Variants in RALYL observed in about 807,000 individuals in gnomAD.
The protein encoded by RALYL is RNA-binding Raly-like protein.
RALYL carries 29 observed loss-of-function variants against 35.1 expected under a neutral mutation model. The observed-to-expected ratio is 0.83, with a 90% CI of 0.61 to 1.13. The LOEUF (loss-of-function observed/expected upper bound fraction) is 1.13. Ranked by LOEUF, RALYL falls within the 50% of genes most tolerant of loss-of-function variation. The probability of loss-of-function intolerance (pLI) is 0.00; values close to 1 mark genes in which losing one functional copy is unlikely to be tolerated. For missense variants in RALYL, 359 were observed against 360.4 expected, an observed-to-expected ratio of 1.00 and a Z score of 0.03; for synonymous variants, 120 against 127.6, an observed-to-expected ratio of 0.94 and a Z score of 0.40.
intron 1 of RALYL, among the ~76,000 whole-genome samples, chr8:84,398,963 G>T (rs570788192): frequency 9.4e-6 from 1 of 106,794 alleles, no homozygotes; most frequent in African/African-American, 3.8e-5. Context: ...AATAGAGTGA[G>T]ACTCTGTCTC....
intron 7 of RALYL, 47 bp from the exon 8 acceptor site, chr8:84,887,557 T>G: frequency 6.5e-7 from 1 of 1,537,768 alleles, no homozygotes; most frequent in Non-Finnish European, 8.8e-7. Context: ...TCCAAATGGC[T>G]CATGAGCAAC....
intron 2 of RALYL, among the ~76,000 whole-genome samples, chr8:84,734,605 G>A (rs983366209): frequency 1.3e-5 from 2 of 151,976 alleles, no homozygotes; most frequent in Non-Finnish European, 2.9e-5. Context: ...TGTACTACCT[G>A]GTGATATTCT....
At chr8:84,797,465 C>T (rs938753129) in intron 3 of RALYL, among the ~76,000 whole-genome samples, 2 of 152,170 alleles carry the variant, frequency 1.3e-5, no homozygotes, top group Non-Finnish European at 2.9e-5. Flanking sequence ...CCTGGCACAT[C>T]GCAAGCTCTG....
chr8:84,705,890 C>G, intron 2 of RALYL: 1 of 1,464,590 alleles, frequency 6.8e-7, no homozygotes, highest in South Asian at 1.4e-5. Context: ...TGGTATTACC[C>G]TGGCTTTCAC....
intron 1 of RALYL, among the ~76,000 whole-genome samples, chr8:84,233,827 T>G (rs958249919): frequency 6.6e-6 from 1 of 152,224 alleles, no homozygotes; most frequent in Non-Finnish European, 1.5e-5. Flanking sequence ...ATCCTAACAT[T>G]GCTACTTAAA....
At chr8:84,696,101 G>T (rs957021301) in intron 2 of RALYL, among the ~76,000 whole-genome samples, 1 of 151,690 alleles carries the variant, frequency 6.6e-6, no homozygotes, top group Non-Finnish European at 1.5e-5. Context: ...TAAAATAAAA[G>T]CTATATGAAC....
At chr8:84,469,495 C>T (rs559580916) in intron 1 of RALYL, among the ~76,000 whole-genome samples, 1 of 152,200 alleles carries the variant, frequency 6.6e-6, no homozygotes, top group Non-Finnish European at 1.5e-5. Flanking sequence ...AGGCAGTCTG[C>T]CCGTCCTGAG....
chr8:84,606,311 T>C (rs1359778687), intron 2 of RALYL, among the ~76,000 whole-genome samples: 1 of 152,150 alleles, frequency 6.6e-6, no homozygotes, highest in Non-Finnish European at 1.5e-5. Context: ...TGAATCGTTT[T>C]CAGCAAAAAT....
chr8:84,198,673 T>C (rs1816046740), intron 1 of RALYL, among the ~76,000 whole-genome samples: 1 of 152,170 alleles, frequency 6.6e-6, no homozygotes, highest in East Asian at 1.9e-4. Flanking sequence ...CAGCCTTTAG[T>C]AATCATGCTT....
At chr8:84,549,914 T>A (rs746587303) in intron 2 of RALYL, among the ~76,000 whole-genome samples, 2 of 152,208 alleles carry the variant, frequency 1.3e-5, no homozygotes, top group South Asian at 2.1e-4. Flanking sequence ...GGATTTTTTT[T>A]ATTTCACCAT....
At chr8:84,382,321 G>A (rs1858186300) in intron 1 of RALYL, among the ~76,000 whole-genome samples, 2 of 150,668 alleles carry the variant, frequency 1.3e-5, no homozygotes, top group Non-Finnish European at 3.0e-5. Flanking sequence ...GATTGTCACT[G>A]GTTATTTTTT....
intron 2 of RALYL, among the ~76,000 whole-genome samples, chr8:84,750,427 T>G (rs558502393): frequency 9.1e-4 from 139 of 152,242 alleles, no homozygotes; most frequent in African/African-American, 3.2e-3. Flanking sequence ...TTACCCCTTG[T>G]GTGATGGCCT....
chr8:84,321,878 T>C (rs1467418032), intron 1 of RALYL, among the ~76,000 whole-genome samples: 3 of 152,116 alleles, frequency 2.0e-5, no homozygotes, highest in African/African-American at 4.8e-5. Context: ...GTATCTATTA[T>C]GATTTTAGAG....
intron 2 of RALYL, among the ~76,000 whole-genome samples, chr8:84,736,798 G>A (rs1847390761): frequency 6.6e-6 from 1 of 151,984 alleles, no homozygotes; most frequent in Non-Finnish European, 1.5e-5. Flanking sequence ...TTTACCTGAA[G>A]TTTAGAACAA....
intron 5 of RALYL, among the ~76,000 whole-genome samples, chr8:84,851,339 T>C (rs1835825276): frequency 6.6e-6 from 1 of 152,216 alleles, no homozygotes; most frequent in Non-Finnish European, 1.5e-5. Context: ...AAGCAAAGTT[T>C]GGACTTTATT....
intron 2 of RALYL, among the ~76,000 whole-genome samples, chr8:84,769,621 C>T (rs978390869): frequency 2.0e-5 from 3 of 151,996 alleles, no homozygotes; most frequent in African/African-American, 7.2e-5. Flanking sequence ...ATTAGTAGGG[C>T]AGGGTGGTAG....
intron 2 of RALYL, chr8:84,679,827 T>A (rs552520613): frequency 6.8e-5 from 29 of 426,048 alleles, no homozygotes; most frequent in South Asian, 5.1e-4. Flanking sequence ...ATCTAGAGGG[T>A]CAGACTCACA....
chr8:84,586,343 T>C (rs768484978), intron 2 of RALYL, among the ~76,000 whole-genome samples: 12 of 152,218 alleles, frequency 7.9e-5, no homozygotes, highest in Non-Finnish European at 1.8e-4. Flanking sequence ...AATTTTCATG[T>C]AAGAAAATGA....
intron 1 of RALYL, among the ~76,000 whole-genome samples, chr8:84,340,146 T>C (rs1193676753): frequency 6.6e-6 from 1 of 152,086 alleles, no homozygotes; most frequent in African/African-American, 2.4e-5. Flanking sequence ...TCCCCAGCCA[T>C]GTGAAACTGT....
Sources: gnomAD v4.1 joint callset for allele counts (sites outside exome capture counted in the v4.1 genomes callset) on GRCh38, gnomAD v4.1.1 for gene constraint, MANE v1.5 for transcripts, NCBI Gene and HGNC (gene_info 2026-07-23, HGNC 2026-07-21) for gene names.